Variants in NSUN5 observed in about 807,000 individuals in gnomAD.
NSUN5 encodes NOP2/Sun RNA methyltransferase 5, also known as 28S rRNA (cytosine-C(5))-methyltransferase.
In NSUN5, 39 loss-of-function variants were observed where a neutral mutation model predicts 51.1. The ratio of observed to expected loss-of-function variants is 0.76; its 90% CI spans 0.59 to 1.00. The LOEUF is 1.00. NSUN5 is among the 50% of genes least tolerant of loss of function. The pLI is 0.00. For missense variants in NSUN5, 526 were observed against 614.0 expected, an observed-to-expected ratio of 0.86 and a Z score of 1.51; for synonymous variants, 266 against 271.5, an observed-to-expected ratio of 0.98 and a Z score of 0.20.
chr7:73,305,138 C>T, intron 4 of NSUN5, 41 bp from the exon 5 acceptor site: 1 of 1,603,580 alleles, frequency 6.2e-7, no homozygotes, highest in Non-Finnish European at 8.5e-7. Context: ...TGAATTTCTC[C>T]CTGCCAGGCC....
Position 73,304,009 on chromosome 7 carries a change from G to A in NSUN5, c.962C>T (p.Pro321Leu). 2.5e-6 allele frequency: 4 copies of A among 1,614,132 alleles called. No individual in the cohort carries two copies. The highest frequency in any genetic ancestry group is 3.4e-6 in the Non-Finnish European group (4 of 1,180,018). ...CACCGGGCTAGGTGTGCCTGCCCCG[G>A]GCTCCTCCAGCTGTCTGCTCGGCAT... ...SGMPSRQLEEPGAGTPSPVRL... is the reference protein window; with the variant it reads ...SGMPSRQLEELGAGTPSPVRL... The change falls in exon 8 of 10, where the codon CCC becomes CTC. Residue 321 changes from proline to leucine, a missense_variant. Coordinates refer to ENST00000438747, the MANE Select transcript of NSUN5 (RefSeq NM_148956.4).
rs1278220380 is a variant in NSUN5, at chr7:73,303,196, G to C, written c.*219C>G. ...TGAATGTGAGATTTTTCTCCTGCTT[G>C]TGACATTAAGAATAAAAAACTGTGA... On this transcript the variant is annotated 3_prime_UTR_variant, in exon 10 of 10. Coordinates refer to ENST00000438747, the MANE Select transcript of NSUN5 (RefSeq NM_148956.4). 6.8e-7 allele frequency: 1 copy of C among 1,470,058 alleles called. No homozygotes were observed. Among genetic ancestry groups the C allele is most frequent in the Non-Finnish European group, 9.0e-7 (1 of 1,110,244 alleles). 91.1% of individuals were successfully genotyped at this position (1,470,058 alleles called of 1,614,324 possible).
At chr7:73,306,646 A>C (rs1341276219) in intron 4 of NSUN5, among the ~76,000 whole-genome samples, 1 of 151,948 alleles carries the variant, frequency 6.6e-6, no homozygotes, top group African/African-American at 2.4e-5. Context: ...TTGGGAGACC[A>C]AGGCGGGCAG....
At chr7:73,304,142 T>G in intron 7 of NSUN5, 88 bp downstream of exon 7, 7 of 1,555,836 alleles carry the variant, frequency 4.5e-6, no homozygotes, top group Non-Finnish European at 5.2e-6. Context: ...AGCCCATTAG[T>G]GTCAGAAGTA....
At chr7:73,307,535 G>A (rs1184905001) in intron 3 of NSUN5, 33 bp from the exon 4 acceptor site, 2 of 1,613,426 alleles carry the variant, frequency 1.2e-6, no homozygotes, top group African/African-American at 2.7e-5. Flanking sequence ...TGAGTAGGCA[G>A]GAGCAAAGTT....
At chr7:73,304,624 T>G in intron 6 of NSUN5, 123 bp downstream of exon 6, 1 of 958,132 alleles carries the variant, frequency 1.0e-6, no homozygotes, top group East Asian at 2.6e-5. Context: ...TTGGGGCAAA[T>G]ACCGTGAACT....
rs782375883 is a variant in NSUN5, at chr7:73,304,280, C to T, written c.884G>A (p.Arg295His). The part of the protein sequence containing the change: ...DFLAVSPSDP[R>H]YHEVHYILLD... ...CAGGATGTAGTGGACCTCATGGTAG[C>T]GTGGATCCGAGGGGGAGACCGCCAG... is the stretch of plus-strand genomic sequence containing the variant. Residue 295 changes from arginine (R) to histidine (H), a missense_variant, in exon 7 of 10, where the codon CGC (arginine) becomes CAC (histidine). Coordinates refer to ENST00000438747, the MANE Select transcript of NSUN5 (RefSeq NM_148956.4). 35 of 1,614,006 alleles carry T rather than the reference C, an allele frequency of 2.2e-5. No homozygotes were observed. The South Asian group carries it at 2.5e-4, about 12-fold the overall frequency.
In NSUN5 at chr7:73,308,234, G is replaced by A. The variant is rs1804127078; in HGVS notation, c.216+197C>T. On this transcript the variant is annotated intron_variant, in intron 2 of 9. Coordinates refer to ENST00000438747, the MANE Select transcript of NSUN5 (RefSeq NM_148956.4). The stretch of plus-strand genomic sequence containing the variant: ...CTCCGCCACTACCACTTTGTACTTC[G>A]GTTATTTAATCCTTCAAAACACTCA... The A allele has an allele frequency of 5.8e-6, 4 of 693,342 alleles. No homozygotes were observed. In the South Asian group the frequency reaches 7.5e-5, roughly 13 times the overall value. 42.9% of individuals were successfully genotyped at this position (693,342 alleles called of 1,614,324 possible). A position where few individuals can be genotyped will look rare whatever the true frequency, so the allele number is the denominator to read the frequency against.
intron 4 of NSUN5, 97 bp from the exon 5 acceptor site, chr7:73,305,194 G>C: frequency 6.8e-7 from 1 of 1,476,106 alleles, no homozygotes; most frequent in East Asian, 2.4e-5. Flanking sequence ...CACAGCTATG[G>C]AGAAATCAAC....
chr7:73,303,119 C>T lies in NSUN5; in HGVS notation c.*296G>A, dbSNP rs1803867719. ...GACGGCAGCGGGAGGCTGGGACTTT[C>T]CATTACAAATAGAGACTTCATTCCT... On this transcript the variant is annotated 3_prime_UTR_variant, in exon 10 of 10. Transcript: ENST00000438747. 14 of 1,430,898 alleles carry T rather than the reference C, an allele frequency of 9.8e-6. No homozygotes were observed. Among genetic ancestry groups the T allele is most frequent in the Non-Finnish European group, 1.1e-5 (12 of 1,096,938 alleles). 88.6% of individuals were successfully genotyped at this position (1,430,898 alleles called of 1,614,324 possible).
intron 4 of NSUN5, 69 bp downstream of exon 4, chr7:73,307,321 TATCC>T: frequency 9.0e-7 from 1 of 1,105,584 alleles, no homozygotes; most frequent in Non-Finnish European, 1.4e-6. Flanking sequence ...AAGTCACAAC[TATCC>T]AGCCACTTCT....
Position 73,307,501 on chromosome 7 carries a change from G to A in NSUN5, c.393C>T (p.Ala131=), listed in dbSNP as rs1804087234. 6.2e-7 allele frequency: 1 copy of A among 1,614,008 alleles called. No homozygotes were observed. Among genetic ancestry groups the A allele is most frequent in the African/African-American group, 1.3e-5 (1 of 74,910 alleles). Residue 131 remains alanine, a splice_region_variant and synonymous_variant, in exon 4 of 10, where the codon GCC becomes GCT. Transcript: ENST00000438747. ...LLEVGSRPGP[A]SQLPRFVRVN... ...CACGCACAAATCGAGGCAGCTGGGA[G>A]GCTACGTAGGACGCAATGAGCAGTG... is the stretch of plus-strand genomic sequence containing the variant.
At chr7:73,306,452 G>A (rs1162041868) in intron 4 of NSUN5, among the ~76,000 whole-genome samples, 1 of 132,490 alleles carries the variant, frequency 7.5e-6, no homozygotes, top group Non-Finnish European at 1.5e-5. Flanking sequence ...TCTGGCTTTA[G>A]AGCTTCCTAC....
intron 4 of NSUN5, among the ~76,000 whole-genome samples, chr7:73,305,822 C>T (rs551572772): frequency 2.2e-4 from 33 of 152,248 alleles, no homozygotes; most frequent in African/African-American, 5.8e-4. Flanking sequence ...GGAATTCAAA[C>T]GCAAGCAGCC....
Position 73,307,652 on chromosome 7 carries a change from G to A in NSUN5, c.322C>T (p.Arg108Trp), listed in dbSNP as rs141373222. The A allele has an allele frequency of 7.3e-5, 118 of 1,608,970 alleles. No homozygotes were observed. The highest frequency in any genetic ancestry group is 9.2e-5 in the Non-Finnish European group (109 of 1,179,332). Reference sequence around the variant, plus strand: ...CTCACACCCCGATGAACCTTGAGCCGAGCCAACTCAGCCTTGAGCCTCGCC... The same window carrying A: ...CTCACACCCCGATGAACCTTGAGCCAAGCCAACTCAGCCTTGAGCCTCGCC... Reference protein sequence around the residue: ...HQARLKAELARLKVHRGVSRN... With the variant: ...HQARLKAELAWLKVHRGVSRN... The change falls in exon 3 of 10, where the codon CGG (arginine) becomes TGG (tryptophan). Residue 108 changes from arginine to tryptophan, a missense_variant. Coordinates refer to ENST00000438747, the MANE Select transcript of NSUN5 (RefSeq NM_148956.4).
intron 2 of NSUN5, 173 bp downstream of exon 2, chr7:73,308,258 C>A: frequency 1.2e-6 from 1 of 836,978 alleles, no homozygotes; most frequent in South Asian, 2.2e-5. Flanking sequence ...TCAAAACACT[C>A]AAAGTTAAAG....
chr7:73,306,444 T>C (rs1410780977), intron 4 of NSUN5, among the ~76,000 whole-genome samples: 1 of 142,660 alleles, frequency 7.0e-6, no homozygotes, highest in East Asian at 2.1e-4. Flanking sequence ...GCATCAGATC[T>C]GGCTTTAGAG....
At chr7:73,303,568 T>C in intron 9 of NSUN5, 32 bp downstream of exon 9, 1 of 1,613,974 alleles carries the variant, frequency 6.2e-7, no homozygotes, top group Non-Finnish European at 8.5e-7. Flanking sequence ...GGTGCCATCC[T>C]GCGCCTCCCA....
At position 73,303,939 on chromosome 7, in the gene NSUN5, G is replaced by A. The variant is rs61999300; in HGVS notation, c.1032C>T (p.His344=). 3.1e-3 allele frequency: 4,933 copies of A among 1,613,988 alleles called. 110 individuals are homozygous for A. The African/African-American group carries it at 0.054, about 18-fold the overall frequency. ...LAGFQQRALC[H]ALTFPSLQRL... ...GCTGCAGGGAAGGGAAAGTGAGTGC[G>A]TGGCACAGGGCTCGCTGCTGGAACC... Residue 344 remains histidine (H), a synonymous_variant, in exon 8 of 10, where the codon CAC becomes CAT. Transcript: ENST00000438747.
Sources: gnomAD v4.1 joint callset for allele counts (sites outside exome capture counted in the v4.1 genomes callset) on GRCh38, gnomAD v4.1.1 for gene constraint, MANE v1.5 for transcripts, NCBI Gene and HGNC (gene_info 2026-07-23, HGNC 2026-07-21) for gene names.